SPAG16: variants seen among roughly 807,000 people sequenced by gnomAD.
SPAG16 encodes sperm-associated antigen 16 protein.
Under a neutral mutation model 80.4 loss-of-function variants are expected in SPAG16, and 86 were observed. That is an observed-to-expected ratio of 1.07 (90% CI 0.90 to 1.28). The LOEUF (loss-of-function observed/expected upper bound fraction) is 1.28. SPAG16 is among the 50% of genes most tolerant of loss of function. The pLI, the probability that SPAG16 is intolerant of heterozygous loss-of-function variation, is 0.00. For missense variants in SPAG16, 870 were observed against 765.3 expected, an observed-to-expected ratio of 1.14 and a Z score of -1.61; for synonymous variants, 294 against 265.9, an observed-to-expected ratio of 1.11 and a Z score of -1.03.
At chr2:214,307,452 G>A (rs906768248) in intron 15 of SPAG16, among the ~76,000 whole-genome samples, 2 of 151,910 alleles carry the variant, frequency 1.3e-5, no homozygotes, top group African/African-American at 4.8e-5. Flanking sequence ...GTTTGCCCTT[G>A]TTTCTCTAGT....
chr2:214,118,718 G>T (rs2054068001), intron 14 of SPAG16, among the ~76,000 whole-genome samples: 1 of 151,986 alleles, frequency 6.6e-6, no homozygotes, highest in South Asian at 2.1e-4. Flanking sequence ...GCGATTATGG[G>T]AACTACAATT....
chr2:213,543,777 A>C (rs911790109), intron 10 of SPAG16, among the ~76,000 whole-genome samples: 2 of 152,018 alleles, frequency 1.3e-5, no homozygotes, highest in African/African-American at 4.8e-5. Context: ...TAAACTCTTC[A>C]TGCACTTTTA....
intron 5 of SPAG16, among the ~76,000 whole-genome samples, chr2:213,321,057 A>G (rs1463380517): frequency 6.6e-6 from 1 of 152,068 alleles, no homozygotes; most frequent in Non-Finnish European, 1.5e-5. Context: ...TAGGATTAGG[A>G]TATTTCTTAA....
Position 213,751,562 on chromosome 2 carries a change from G to A in SPAG16, c.1071-110923G>A, listed in dbSNP as rs112341492. Among the ~76,000 whole-genome samples, 21 of 152,160 alleles carry A rather than the reference G, an allele frequency of 1.4e-4. 1 individual carries two copies. Among genetic ancestry groups the A allele is most frequent in the East Asian group, 1.2e-3 (6 of 5,178 alleles). Reference sequence around the variant, plus strand: ...ACTCCCTGCCACCTCCAGTCTTACCGTCAGCCTCCTGTTGTCACCCCAACC... The same window carrying A: ...ACTCCCTGCCACCTCCAGTCTTACCATCAGCCTCCTGTTGTCACCCCAACC... On this transcript the variant is annotated intron_variant, in intron 10 of 15. Transcript: ENST00000331683.
intron 10 of SPAG16, among the ~76,000 whole-genome samples, chr2:213,830,712 T>A (rs905073977): frequency 6.6e-6 from 1 of 152,312 alleles, no homozygotes; most frequent in Admixed American, 6.5e-5. Context: ...CTTGACATTA[T>A]CCTGTATTGG....
chr2:213,869,297 A>ATG (rs1553648828), intron 11 of SPAG16, among the ~76,000 whole-genome samples: 2 of 124,912 alleles, frequency 1.6e-5, no homozygotes, highest in Non-Finnish European at 3.4e-5. Context: ...ATATATGTAT[A>ATG]TATATATATA....
chr2:213,430,931 T>C (rs2070253921), intron 9 of SPAG16, among the ~76,000 whole-genome samples: 1 of 152,148 alleles, frequency 6.6e-6, no homozygotes, highest in Admixed American at 6.5e-5. Flanking sequence ...ATTTTCAAAG[T>C]GCTTAAAGAA....
At chr2:214,132,138 A>G (rs2054813821) in intron 14 of SPAG16, among the ~76,000 whole-genome samples, 1 of 152,186 alleles carries the variant, frequency 6.6e-6, no homozygotes. Flanking sequence ...ATCAGTGGGT[A>G]TATCGGGTAT....
Position 214,090,107 on chromosome 2 carries a change from T to C in SPAG16, c.1528-18089T>C, listed in dbSNP as rs1297013708. On this transcript the variant is annotated intron_variant, in intron 13 of 15. Transcript: ENST00000331683. Reference sequence around the variant, plus strand: ...TTGTACAAATAATAAAATACTCATCTATATACAAATCAATAAAAGCTTTTG... The same window carrying C: ...TTGTACAAATAATAAAATACTCATCCATATACAAATCAATAAAAGCTTTTG... Among the ~76,000 whole-genome samples the C allele has an allele frequency of 2.6e-5, 4 of 151,968 alleles. No individual in the cohort carries two copies. In the East Asian group the frequency reaches 7.7e-4, roughly 29 times the overall value.
intron 10 of SPAG16, among the ~76,000 whole-genome samples, chr2:213,514,508 G>A (rs892661193): frequency 1.3e-5 from 2 of 151,690 alleles, no homozygotes; most frequent in African/African-American, 2.4e-5. Context: ...GGGTACATGT[G>A]CACATTGTGC....
chr2:213,698,221 G>A (rs2065243695), intron 10 of SPAG16, among the ~76,000 whole-genome samples: 1 of 151,782 alleles, frequency 6.6e-6, no homozygotes, highest in Non-Finnish European at 1.5e-5. Context: ...TTTTTCTCAT[G>A]GCTTTTTCTT....
chr2:213,879,370 T>C (rs1395834827), intron 11 of SPAG16, among the ~76,000 whole-genome samples: 1 of 151,802 alleles, frequency 6.6e-6, no homozygotes, highest in Non-Finnish European at 1.5e-5. Context: ...CCTCCTTGGT[T>C]AAATATATCC....
intron 10 of SPAG16, among the ~76,000 whole-genome samples, chr2:213,764,173 G>A (rs2125531117): frequency 6.6e-6 from 1 of 152,252 alleles, no homozygotes; most frequent in Non-Finnish European, 1.5e-5. Context: ...ATGTAAACGA[G>A]ATTTTAAAAT....
At chr2:214,036,508 A>G (rs2048705151) in intron 13 of SPAG16, among the ~76,000 whole-genome samples, 1 of 152,228 alleles carries the variant, frequency 6.6e-6, no homozygotes, top group South Asian at 2.1e-4. Context: ...ACTGTGTATT[A>G]CACTCACTCA....
At chr2:213,960,054 G>T (rs2106347854) in intron 12 of SPAG16, among the ~76,000 whole-genome samples, 1 of 152,112 alleles carries the variant, frequency 6.6e-6, no homozygotes, top group Non-Finnish European at 1.5e-5. Context: ...AGATCTCATA[G>T]GCTCTGTTTA....
intron 10 of SPAG16, among the ~76,000 whole-genome samples, chr2:213,672,859 G>GTTTTTTTTTTTTT (rs750046794): frequency 8.0e-6 from 1 of 124,422 alleles, no homozygotes. Flanking sequence ...TATTTTGTTT[G>GTTTTTTTTTTTTT]TTTTTTTTTT....
intron 10 of SPAG16, among the ~76,000 whole-genome samples, chr2:213,733,498 G>A (rs930269066): frequency 1.9e-4 from 20 of 105,388 alleles, no homozygotes; most frequent in African/African-American, 6.0e-4. Context: ...GTTATGAAGG[G>A]ATTTTTTTTT....
chr2:214,037,310 TAAAAGTTATTTTTGATTATTTATTCC>T (rs2048748249), intron 13 of SPAG16, among the ~76,000 whole-genome samples: 1 of 152,068 alleles, frequency 6.6e-6, no homozygotes, highest in Non-Finnish European at 1.5e-5. Flanking sequence ...ACTTGTTTAA[TAAAAGTTATTTTTGATTATTTATTCC>T]AATCGTATGA....
chr2:213,651,647 C>T (rs374674472), intron 10 of SPAG16, among the ~76,000 whole-genome samples: 1 of 151,996 alleles, frequency 6.6e-6, no homozygotes, highest in South Asian at 2.1e-4. Context: ...CTAAATTGCA[C>T]ACGAAAATGT....
Sources: allele counts gnomAD v4.1 joint callset (sites outside exome capture counted in the v4.1 genomes callset), GRCh38; gene constraint gnomAD v4.1.1; transcripts MANE v1.5; gene names NCBI Gene and HGNC (gene_info 2026-07-23, HGNC 2026-07-21).